Variants in BCAS4 observed in about 807,000 individuals in gnomAD.
BCAS4 encodes breast carcinoma-amplified sequence 4.
Under a neutral mutation model 15.7 loss-of-function variants are expected in BCAS4, and 9 were observed. That is an observed-to-expected ratio of 0.57 (90% CI 0.34 to 1.00). The LOEUF (loss-of-function observed/expected upper bound fraction) is 1.00. BCAS4 is among the 50% of genes least tolerant of loss of function. BCAS4 has a pLI of 0.02. For missense variants in BCAS4, 225 were observed against 239.1 expected (o/e 0.94, Z 0.39); for synonymous variants, 101 against 99.5 (o/e 1.02, Z -0.09).
chr20:50,853,299 C>T (rs1478317669), intron 4 of BCAS4, among the ~76,000 whole-genome samples: 2 of 151,934 alleles, frequency 1.3e-5, no homozygotes, highest in African/African-American at 4.8e-5. Context: ...CACATACCAC[C>T]ATGCCCAGCT....
At position 50,822,697 on chromosome 20, in the gene BCAS4, G is replaced by A. The variant is rs1051552233; in HGVS notation, c.162+4415G>A. ...GTTGCCCAGGCTGTAGTGCAGTGGC[G>A]CTATCTCAGCTCATTGCAACCTCTG... On this transcript the variant is annotated intron_variant, in intron 2 of 4. Coordinates refer to ENST00000371608, the MANE Select transcript of BCAS4 (RefSeq NM_198799.4). 6.0e-5 allele frequency among the ~76,000 whole-genome samples: 9 copies of A among 150,868 alleles called. No homozygotes were observed. The South Asian group carries it at 1.1e-3, about 18-fold the overall frequency.
At chr20:50,820,150 T>C (rs1295199664) in intron 2 of BCAS4, among the ~76,000 whole-genome samples, 1 of 152,176 alleles carries the variant, frequency 6.6e-6, no homozygotes, top group Admixed American at 6.5e-5. Flanking sequence ...CCCGGCTGCA[T>C]TGGGCACTTT....
rs377675495 is a variant in BCAS4 at position 50,818,213 on chromosome 20, G to A, written c.93G>A (p.Ala31=). Residue 31 remains alanine (A), a splice_region_variant and synonymous_variant, in exon 2 of 5, where the codon GCG becomes GCA. Transcript: ENST00000371608. ...CCAGGATATCGTCTCTTTTTCAGGC[G>A]AAGGAGGTGGAGGAGACCATCGAGG... ...LFLTPEPGAE[A]KEVEETIEGM... is the part of the protein sequence containing the mutation. The A allele has an allele frequency of 3.0e-5, 49 of 1,613,736 alleles. No homozygotes were observed. The highest frequency in any genetic ancestry group is 3.9e-5 in the Non-Finnish European group (46 of 1,179,934).
intron 4 of BCAS4, among the ~76,000 whole-genome samples, chr20:50,869,204 G>A (rs184317139): frequency 1.3e-5 from 2 of 152,346 alleles, no homozygotes; most frequent in Admixed American, 1.3e-4. Flanking sequence ...TGTTTTCACA[G>A]TAGGATGGGC....
chr20:50,830,706 C>T (rs2088333266), intron 3 of BCAS4, among the ~76,000 whole-genome samples: 1 of 152,078 alleles, frequency 6.6e-6, no homozygotes, highest in South Asian at 2.1e-4. Flanking sequence ...AAAAACTAGT[C>T]AGGTGTTGTG....
chr20:50,832,856 AT>A (rs1292246605), intron 3 of BCAS4: 7 of 152,128 alleles, frequency 4.6e-5, no homozygotes, highest in Admixed American at 3.9e-4. Context: ...TACCTGGATG[AT>A]TCACAGTGAC....
At chr20:50,841,021 A>C (rs769330194) in intron 3 of BCAS4, 3 of 382,756 alleles carry the variant, frequency 7.8e-6, no homozygotes, top group South Asian at 6.6e-5. Flanking sequence ...GCAGAGACGC[A>C]GTTTCACCAT....
intron 1 of BCAS4, among the ~76,000 whole-genome samples, chr20:50,816,965 C>G (rs905441387): frequency 2.0e-5 from 3 of 151,784 alleles, no homozygotes; most frequent in Non-Finnish European, 4.4e-5. Context: ...CCACCACACC[C>G]GGCTAATTTT....
intron 1 of BCAS4, among the ~76,000 whole-genome samples, chr20:50,810,031 C>A (rs752680119): frequency 5.3e-5 from 8 of 152,058 alleles, no homozygotes; most frequent in African/African-American, 9.7e-5. Flanking sequence ...TCTAGGTATA[C>A]GATCATGTCA....
In BCAS4 at chr20:50,844,972, G is replaced by A. The variant is rs76276436; in HGVS notation, c.399+3072G>A. ...GGAGGTGGTGCAGCCTAGTGTGTGC[G>A]TATGTGTGTGCAGACCTGAAGGCTC... On this transcript the variant is annotated intron_variant, in intron 4 of 4. Transcript: ENST00000371608. 8.9e-3 allele frequency among the ~76,000 whole-genome samples: 1,350 copies of A among 152,262 alleles called. 36 individuals carry two copies. Among genetic ancestry groups the A allele is most frequent in the African/African-American group, 0.031 (1,276 of 41,550 alleles).
chr20:50,824,786 C>T (rs1219218096), intron 2 of BCAS4, among the ~76,000 whole-genome samples: 1 of 152,142 alleles, frequency 6.6e-6, no homozygotes, highest in East Asian at 1.9e-4. Flanking sequence ...GGAACATGGG[C>T]TCAGTGTGGC....
intron 4 of BCAS4, 72 bp from the exon 5 acceptor site, chr20:50,876,414 G>A: frequency 6.3e-7 from 1 of 1,575,484 alleles, no homozygotes. Context: ...TGAACTTGTA[G>A]ACCGGGAATT....
chr20:50,871,849 G>A (rs1979661694), intron 4 of BCAS4, among the ~76,000 whole-genome samples: 2 of 152,186 alleles, frequency 1.3e-5, no homozygotes, highest in South Asian at 4.1e-4. Context: ...ACTGATCTCT[G>A]TGGGTGGAGG....
chr20:50,832,588 G>T (rs1451424573), intron 3 of BCAS4: 1 of 152,202 alleles, frequency 6.6e-6, no homozygotes, highest in African/African-American at 2.4e-5. Flanking sequence ...TATAGTTCTG[G>T]AAGTCAGAAG....
chr20:50,851,524 C>T lies in BCAS4; in HGVS notation c.399+9624C>T, dbSNP rs1233445996. On this transcript the variant is annotated intron_variant, in intron 4 of 4. Transcript: ENST00000371608. The surrounding 1 kb of genome is among the most constrained non-coding windows in gnomAD (Gnocchi z 4.3). ...TTGAGGATGAGAGGGGAGAAAGTTC[C>T]TTCCGACAACAAGAAGTTTTCATTT... Among the ~76,000 whole-genome samples the T allele has an allele frequency of 6.6e-6, 1 of 152,178 alleles. No homozygotes were observed. Among genetic ancestry groups the T allele is most frequent in the South Asian group, 2.1e-4 (1 of 4,826 alleles).
At chr20:50,795,862 C>T (rs2087850171) in intron 1 of BCAS4, among the ~76,000 whole-genome samples, 1 of 152,212 alleles carries the variant, frequency 6.6e-6, no homozygotes, top group Non-Finnish European at 1.5e-5. Context: ...CCAGCATTAA[C>T]TGTTTGGTAT....
At chr20:50,875,713 T>G (rs1600911135) in intron 4 of BCAS4, among the ~76,000 whole-genome samples, 1 of 147,282 alleles carries the variant, frequency 6.8e-6, no homozygotes, top group African/African-American at 2.5e-5. Context: ...ACCCAGGAGG[T>G]GAATGTTGCA....
intron 3 of BCAS4, chr20:50,840,649 G>A (rs1388061517): frequency 1.7e-5 from 28 of 1,611,132 alleles, no homozygotes; most frequent in African/African-American, 1.3e-4. Flanking sequence ...CTGTTCAATC[G>A]TTTCTTTGGA....
At chr20:50,816,854 G>C (rs2088145294) in intron 1 of BCAS4, among the ~76,000 whole-genome samples, 1 of 139,740 alleles carries the variant, frequency 7.2e-6, no homozygotes, top group South Asian at 2.3e-4. Flanking sequence ...GCCCAGGCTG[G>C]AGTGCAGTGG....
Sources: allele counts gnomAD v4.1 joint callset (sites outside exome capture counted in the v4.1 genomes callset), GRCh38; gene constraint gnomAD v4.1.1; non-coding constraint Gnocchi (gnomAD v3.1); transcripts MANE v1.5; gene names NCBI Gene and HGNC (gene_info 2026-07-23, HGNC 2026-07-21).